NEK7: variants seen among roughly 807,000 people sequenced by gnomAD.
NEK7 encodes NIMA related kinase 7, also known as serine/threonine-protein kinase Nek7.
NEK7 carries 18 observed loss-of-function variants against 44.6 expected under a neutral mutation model. That is an observed-to-expected ratio of 0.40 (90% confidence interval 0.28 to 0.60). NEK7 has a LOEUF of 0.60. NEK7 is among the 20% of genes least tolerant of loss of function. NEK7 has a pLI of 0.38. For missense variants in NEK7, 256 were observed against 366.5 expected (o/e 0.70, Z 2.46); for synonymous variants, 130 against 121.1 (o/e 1.07, Z -0.48).
chr1:198,274,859 A>G (rs1179980718), intron 5 of NEK7, among the ~76,000 whole-genome samples: 1 of 151,684 alleles, frequency 6.6e-6, no homozygotes, highest in Non-Finnish European at 1.5e-5. Flanking sequence ...TTAAGATGTG[A>G]CTATTTTCCC....
chr1:198,230,801 A>G (rs536681675), intron 1 of NEK7, among the ~76,000 whole-genome samples: 1 of 152,194 alleles, frequency 6.6e-6, no homozygotes, highest in South Asian at 2.1e-4. Flanking sequence ...AATTGAATTA[A>G]AAAACCCCAC....
At chr1:198,181,440 T>C (rs1664764849) in intron 1 of NEK7, among the ~76,000 whole-genome samples, 1 of 152,096 alleles carries the variant, frequency 6.6e-6, no homozygotes. Flanking sequence ...ATTATTTATT[T>C]CACAAGACGT....
chr1:198,199,248 G>A (rs970583983), intron 1 of NEK7, among the ~76,000 whole-genome samples: 3 of 152,216 alleles, frequency 2.0e-5, no homozygotes, highest in Admixed American at 2.0e-4. Context: ...GTCCCCTGGG[G>A]GCATTCTGCA....
At chr1:198,274,868 C>G (rs1266573912) in intron 5 of NEK7, among the ~76,000 whole-genome samples, 1 of 151,378 alleles carries the variant, frequency 6.6e-6, no homozygotes, top group Non-Finnish European at 1.5e-5. Context: ...GACTATTTTC[C>G]CAAAATCTTT....
intron 3 of NEK7, among the ~76,000 whole-genome samples, chr1:198,260,587 A>G (rs1286977447): frequency 6.6e-6 from 1 of 152,026 alleles, no homozygotes; most frequent in Non-Finnish European, 1.5e-5. Context: ...ACCGGCATAC[A>G]TATTTCTTCT....
intron 2 of NEK7, among the ~76,000 whole-genome samples, chr1:198,252,323 G>A (rs544084146): frequency 1.3e-3 from 193 of 151,648 alleles, no homozygotes; most frequent in Non-Finnish European, 2.1e-3. Flanking sequence ...AATAGGTGTG[G>A]TGTGGTGCTG....
chr1:198,252,844 G>A (rs1317975893), intron 2 of NEK7, among the ~76,000 whole-genome samples, 196 bp from the exon 3 acceptor site: 1 of 151,576 alleles, frequency 6.6e-6, no homozygotes, highest in Non-Finnish European at 1.5e-5. Flanking sequence ...AGGGATTATT[G>A]TCTCTCTAGT....
chr1:198,253,223 A>C, intron 3 of NEK7, 43 bp downstream of exon 3: 1 of 1,321,918 alleles, frequency 7.6e-7, no homozygotes, highest in Non-Finnish European at 1.1e-6. Flanking sequence ...AAATTATACT[A>C]TGTGAATTAT....
intron 1 of NEK7, among the ~76,000 whole-genome samples, chr1:198,197,382 G>A (rs1262858591): frequency 3.9e-5 from 6 of 152,090 alleles, no homozygotes; most frequent in Non-Finnish European, 1.5e-5. Flanking sequence ...TCTTAATAAA[G>A]CACTTTTCTT....
chr1:198,207,906 G>T (rs1374362361), intron 1 of NEK7, among the ~76,000 whole-genome samples: 1 of 152,102 alleles, frequency 6.6e-6, no homozygotes, highest in Non-Finnish European at 1.5e-5. Context: ...TAAAGATAAT[G>T]TTAATATAGT....
At chr1:198,211,921 C>T (rs759866582) in intron 1 of NEK7, among the ~76,000 whole-genome samples, 6 of 152,220 alleles carry the variant, frequency 3.9e-5, no homozygotes, top group Non-Finnish European at 7.3e-5. Flanking sequence ...TGTCTTCAGA[C>T]GGTGACACAC....
At chr1:198,225,166 G>T (rs1454718215) in intron 1 of NEK7, among the ~76,000 whole-genome samples, 1 of 149,718 alleles carries the variant, frequency 6.7e-6, no homozygotes, top group Non-Finnish European at 1.5e-5. Flanking sequence ...CACATAGTGA[G>T]ACCCCATCTC....
At chr1:198,242,189 A>G (rs954952368) in intron 2 of NEK7, among the ~76,000 whole-genome samples, 4 of 152,018 alleles carry the variant, frequency 2.6e-5, no homozygotes, top group African/African-American at 9.7e-5. Flanking sequence ...GGCCACACCT[A>G]CTACCTCCTG....
chr1:198,203,139 T>C (rs1310389788), intron 1 of NEK7, among the ~76,000 whole-genome samples: 1 of 152,186 alleles, frequency 6.6e-6, no homozygotes, highest in Non-Finnish European at 1.5e-5. Flanking sequence ...GATTGGGATG[T>C]ATTTATATAA....
chr1:198,253,014 A>T, intron 2 of NEK7, 26 bp from the exon 3 acceptor site: 2 of 1,593,644 alleles, frequency 1.3e-6, no homozygotes, highest in African/African-American at 1.4e-5. Context: ...TGTGATTGAA[A>T]ATTTTTCTGA....
intron 1 of NEK7, among the ~76,000 whole-genome samples, chr1:198,184,089 A>C (rs1664845514): frequency 6.6e-6 from 1 of 152,188 alleles, no homozygotes; most frequent in African/African-American, 2.4e-5. Context: ...TGAGATTTGT[A>C]CATGCCAGAT....
At chr1:198,249,697 G>T (rs1652849881) in intron 2 of NEK7, among the ~76,000 whole-genome samples, 1 of 149,550 alleles carries the variant, frequency 6.7e-6, no homozygotes. Flanking sequence ...TTTGAGAAGT[G>T]TCTGTTCATG....
chr1:198,214,833 C>T (rs1458928482), intron 1 of NEK7, among the ~76,000 whole-genome samples: 6 of 152,006 alleles, frequency 3.9e-5, no homozygotes, highest in Non-Finnish European at 7.4e-5. Flanking sequence ...CAAAGAACTC[C>T]TGGGAGACTT....
intron 1 of NEK7, among the ~76,000 whole-genome samples, chr1:198,218,204 A>G (rs566415884): frequency 2.6e-5 from 4 of 152,220 alleles, no homozygotes; most frequent in East Asian, 1.9e-4. Context: ...ACTGCATGGT[A>G]CTGGTATAAA....
Sources: gnomAD v4.1 joint callset for allele counts (sites outside exome capture counted in the v4.1 genomes callset) on GRCh38, gnomAD v4.1.1 for gene constraint, MANE v1.5 for transcripts, NCBI Gene and HGNC (gene_info 2026-07-23, HGNC 2026-07-21) for gene names.